Variants in CDH22 observed in about 807,000 individuals in gnomAD.
The protein encoded by CDH22 is cadherin-22.
In CDH22, 30 loss-of-function variants were observed where a neutral mutation model predicts 58.4. That is an observed-to-expected ratio of 0.51 (90% CI 0.38 to 0.70). The LOEUF is 0.70. Ranked by LOEUF, CDH22 falls within the 30% of genes least tolerant of loss-of-function variation. The probability of loss-of-function intolerance (pLI) is 0.00; values close to 1 mark genes in which losing one functional copy is unlikely to be tolerated. For synonymous variants in CDH22, 513 were observed against 558.2 expected (o/e 0.92, Z 1.14); for missense variants, 1,014 against 1,233.9 (o/e 0.82, Z 2.67).
intron 1 of CDH22, among the ~76,000 whole-genome samples, chr20:46,297,688 G>A (rs1013986097): frequency 1.3e-5 from 2 of 152,090 alleles, no homozygotes; most frequent in South Asian, 2.1e-4. Context: ...CTGGGGACAG[G>A]GGTTCTGGGA....
chr20:46,199,646 G>C, intron 7 of CDH22, 87 bp from the exon 8 acceptor site: 6 of 1,489,954 alleles, frequency 4.0e-6, no homozygotes, highest in Non-Finnish European at 5.4e-6. Flanking sequence ...CTCCAAGAGA[G>C]GGACCGCCTG....
chr20:46,191,042 G>A (rs1319196678), intron 8 of CDH22, among the ~76,000 whole-genome samples: 2 of 152,146 alleles, frequency 1.3e-5, no homozygotes, highest in Non-Finnish European at 2.9e-5. Flanking sequence ...TTGTACCAAG[G>A]ACTCAGCAGT....
intron 4 of CDH22, among the ~76,000 whole-genome samples, chr20:46,223,666 CTTCT>C (rs369876048): frequency 0.14 from 16,540 of 115,418 alleles, 1,355 homozygotes; most frequent in African/African-American, 0.19. Flanking sequence ...TTTTTCTTTC[CTTCT>C]TTCTTTCTTT....
intron 1 of CDH22, among the ~76,000 whole-genome samples, chr20:46,298,640 GTGGATGGA>G (rs568970672): frequency 2.0e-5 from 3 of 151,952 alleles, no homozygotes; most frequent in Non-Finnish European, 2.9e-5. Context: ...TGATGAATGG[GTGGATGGA>G]TGGATGGATG....
chr20:46,289,586 C>T (rs1375886850), intron 1 of CDH22, among the ~76,000 whole-genome samples: 1 of 152,218 alleles, frequency 6.6e-6, no homozygotes, highest in Non-Finnish European at 1.5e-5. Context: ...TCCGATTCTC[C>T]ACTGCTTTCC....
chr20:46,280,420 C>T (rs2086545082), intron 1 of CDH22, among the ~76,000 whole-genome samples: 1 of 152,110 alleles, frequency 6.6e-6, no homozygotes, highest in South Asian at 2.1e-4. Context: ...GCTCTGAGGA[C>T]AATAACAACA....
intron 4 of CDH22, among the ~76,000 whole-genome samples, chr20:46,219,037 G>A (rs2086106045): frequency 6.6e-6 from 1 of 152,202 alleles, no homozygotes; most frequent in African/African-American, 2.4e-5. Context: ...CAACAGAATG[G>A]AAGGAGAGGC....
At chr20:46,293,671 G>A (rs576036028) in intron 1 of CDH22, among the ~76,000 whole-genome samples, 2 of 152,220 alleles carry the variant, frequency 1.3e-5, no homozygotes, top group African/African-American at 4.8e-5. Flanking sequence ...GGAGAGAGGT[G>A]GTCTGTGTTC....
At chr20:46,212,966 C>T (rs751520278) in intron 6 of CDH22, 29 bp downstream of exon 6, 1 of 1,601,534 alleles carries the variant, frequency 6.2e-7, no homozygotes, top group South Asian at 1.1e-5. Context: ...TGAGGCCTGC[C>T]TCCCCCATTC....
chr20:46,181,752 C>CTTTCTTTCTTTCTTTCTTTCT lies in CDH22; in HGVS notation c.1664-3556_1664-3555insAGAAAGAAAGAAAGAAAGAAA, dbSNP rs1555800218. On this transcript the variant is annotated intron_variant, in intron 10 of 11. Coordinates refer to ENST00000537909, the MANE Select transcript of CDH22 (RefSeq NM_021248.3). ...CCTTCCTTCCTTCCTTCCTTCCTTC[C>CTTTCTTTCTTTCTTTCTTTCT]TTCTTTCTTTCTTTCTTTCTTTCTT... 3.5e-3 allele frequency among the ~76,000 whole-genome samples: 93 copies of CTTTCTTTCTTTCTTTCTTTCT among 26,236 alleles called. 2 individuals are homozygous for CTTTCTTTCTTTCTTTCTTTCT. Among genetic ancestry groups the CTTTCTTTCTTTCTTTCTTTCT allele is most frequent in the East Asian group, 0.018 (18 of 996 alleles). 17.2% of individuals were successfully genotyped at this position (26,236 alleles called of 152,430 possible). A position where few individuals can be genotyped will look rare whatever the true frequency, so the allele number is the denominator to read the frequency against.
chr20:46,259,717 G>C (rs2086423155), intron 1 of CDH22, among the ~76,000 whole-genome samples: 1 of 152,176 alleles, frequency 6.6e-6, no homozygotes, highest in South Asian at 2.1e-4. Flanking sequence ...TGAACACAGG[G>C]AGATGAAGTA....
intron 8 of CDH22, among the ~76,000 whole-genome samples, chr20:46,198,725 C>T (rs1034763429): frequency 1.3e-5 from 2 of 152,234 alleles, no homozygotes; most frequent in Admixed American, 6.5e-5. Flanking sequence ...CCTCATCAAC[C>T]ACACTGGCCT....
chr20:46,180,281 G>A (rs1265208794), intron 10 of CDH22, among the ~76,000 whole-genome samples: 3 of 152,322 alleles, frequency 2.0e-5, no homozygotes, highest in East Asian at 1.9e-4. Flanking sequence ...GGTCACACTG[G>A]ATGGCAGCTC....
At chr20:46,270,491 C>T (rs2425830) in intron 1 of CDH22, among the ~76,000 whole-genome samples, 60,335 of 151,988 alleles carry the variant, frequency 0.4, 12,560 homozygotes, top group Middle Eastern at 0.61. Context: ...CCTTAATCTC[C>T]GGTCTCGGGC....
chr20:46,265,172 A>G, intron 1 of CDH22, among the ~76,000 whole-genome samples: 1 of 151,938 alleles, frequency 6.6e-6, no homozygotes, highest in Non-Finnish European at 1.5e-5. Context: ...CAAATTGAAT[A>G]CCATCCTGGC....
intron 1 of CDH22, among the ~76,000 whole-genome samples, chr20:46,257,761 G>A (rs2086413593): frequency 6.6e-6 from 1 of 152,204 alleles, no homozygotes; most frequent in Non-Finnish European, 1.5e-5. Flanking sequence ...GAATTTGAGT[G>A]GCATGTAAAG....
At chr20:46,201,813 C>T (rs965856935) in intron 7 of CDH22, among the ~76,000 whole-genome samples, 13 of 152,134 alleles carry the variant, frequency 8.5e-5, no homozygotes, top group African/African-American at 3.1e-4. Flanking sequence ...CTAGCCTGGG[C>T]GAAAGTACGT....
chr20:46,205,032 C>T (rs2085991210), intron 7 of CDH22, among the ~76,000 whole-genome samples: 1 of 151,844 alleles, frequency 6.6e-6, no homozygotes, highest in African/African-American at 2.4e-5. Context: ...GGGTGTAGTT[C>T]GGGAGCCTCT....
intron 4 of CDH22, among the ~76,000 whole-genome samples, chr20:46,225,954 G>C (rs2092384): frequency 0.93 from 141,494 of 152,188 alleles, 65,978 homozygotes; most frequent in African/African-American, 0.96. Flanking sequence ...AAAGGAAACA[G>C]ACAAACAAAA....
Sources: allele counts gnomAD v4.1 joint callset (sites outside exome capture counted in the v4.1 genomes callset), GRCh38; gene constraint gnomAD v4.1.1; transcripts MANE v1.5; gene names NCBI Gene and HGNC (gene_info 2026-07-23, HGNC 2026-07-21).